Variants in AUTS2 observed in about 807,000 individuals in gnomAD.
The protein encoded by AUTS2 is autism susceptibility gene 2 protein.
In AUTS2, 17 loss-of-function variants were observed where a neutral mutation model predicts 112.4. That is an observed-to-expected ratio of 0.15 (90% CI 0.10 to 0.23). AUTS2 has a LOEUF of 0.23. Ranked by LOEUF, AUTS2 falls within the 10% of genes least tolerant of loss-of-function variation. The probability of loss-of-function intolerance (pLI) is 1.00; values close to 1 mark genes in which losing one functional copy is unlikely to be tolerated. For synonymous variants in AUTS2, 751 were observed against 702.7 expected, an observed-to-expected ratio of 1.07 and a Z score of -1.09; for missense variants, 1,510 against 1,701.6, an observed-to-expected ratio of 0.89 and a Z score of 1.98.
intron 5 of AUTS2, among the ~76,000 whole-genome samples, chr7:70,524,656 G>C (rs1245230273): frequency 6.6e-6 from 1 of 152,158 alleles, no homozygotes; most frequent in Non-Finnish European, 1.5e-5. Flanking sequence ...TGGCTTTCCA[G>C]GCAGCCTCAC....
At chr7:70,177,042 AC>A (rs1809026226) in intron 4 of AUTS2, among the ~76,000 whole-genome samples, 1 of 152,172 alleles carries the variant, frequency 6.6e-6, no homozygotes, top group African/African-American at 2.4e-5. Context: ...TTCCTAGACA[AC>A]TTCACAGGAG....
At chr7:70,771,675 C>CAT (rs754595697) in intron 11 of AUTS2, 31 bp downstream of exon 11, 2 of 1,597,196 alleles carry the variant, frequency 1.3e-6, no homozygotes, top group East Asian at 4.5e-5. Context: ...AACACACAGG[C>CAT]ATGTGTCTAA....
chr7:70,377,368 A>ATATATATATG (rs1793154779), intron 4 of AUTS2, among the ~76,000 whole-genome samples: 1 of 121,066 alleles, frequency 8.3e-6, no homozygotes, highest in Non-Finnish European at 1.7e-5. Flanking sequence ...ATATATATAT[A>ATATATATATG]TATATAGTGA....
chr7:70,267,442 A>T (rs974228676), intron 4 of AUTS2, among the ~76,000 whole-genome samples: 1 of 152,162 alleles, frequency 6.6e-6, no homozygotes, highest in African/African-American at 2.4e-5. Context: ...CAGGACAAGG[A>T]GATTATAGGA....
chr7:70,633,661 T>C (rs1044842047), intron 5 of AUTS2, among the ~76,000 whole-genome samples: 18 of 151,242 alleles, frequency 1.2e-4, no homozygotes, highest in Non-Finnish European at 2.7e-4. Context: ...TGATCCTTGA[T>C]TGGGCCGTAG....
chr7:70,665,756 A>G (rs972339559), intron 5 of AUTS2, among the ~76,000 whole-genome samples: 1 of 152,210 alleles, frequency 6.6e-6, no homozygotes, highest in Non-Finnish European at 1.5e-5. Context: ...TTCACAGGAT[A>G]CAAAAACCAC....
intron 5 of AUTS2, among the ~76,000 whole-genome samples, chr7:70,504,112 G>C (rs774516036): frequency 7.4e-5 from 11 of 147,666 alleles, no homozygotes; most frequent in Non-Finnish European, 1.5e-4. Flanking sequence ...TTTCTCATCT[G>C]TCGTCTTGCA....
chr7:69,600,267 G>A (rs1056323506), intron 1 of AUTS2, among the ~76,000 whole-genome samples: 5 of 151,910 alleles, frequency 3.3e-5, no homozygotes, highest in Non-Finnish European at 5.9e-5. Flanking sequence ...ACAACAATGC[G>A]CCCCCTCTCC....
intron 1 of AUTS2, among the ~76,000 whole-genome samples, chr7:69,709,902 C>A (rs1317813648): frequency 8.0e-5 from 1 of 12,470 alleles, no homozygotes; most frequent in Non-Finnish European, 1.7e-4. Flanking sequence ...AAACATGTCA[C>A]CCCCCCTTTT....
intron 4 of AUTS2, among the ~76,000 whole-genome samples, chr7:70,228,727 T>C (rs1811897531): frequency 1.3e-5 from 2 of 151,982 alleles, no homozygotes; most frequent in Non-Finnish European, 2.9e-5. Context: ...TGCTTCACTA[T>C]AGATCCATGT....
chr7:70,177,807 TC>T (rs1380375857), intron 4 of AUTS2, among the ~76,000 whole-genome samples: 1 of 96,056 alleles, frequency 1.0e-5, no homozygotes, highest in African/African-American at 4.5e-5. Flanking sequence ...ATCTGTCTGT[TC>T]TGCATTCTCA....
intron 5 of AUTS2, among the ~76,000 whole-genome samples, chr7:70,439,538 CAAAAAAA>C (rs71077657): frequency 0.24 from 17,524 of 73,186 alleles, 1,364 homozygotes; most frequent in Non-Finnish European, 0.28. Flanking sequence ...GACTCCATCT[CAAAAAAA>C]AAAAAAAAAA....
chr7:70,662,154 G>C (rs1181441876), intron 5 of AUTS2, among the ~76,000 whole-genome samples: 1 of 152,260 alleles, frequency 6.6e-6, no homozygotes, highest in African/African-American at 2.4e-5. Flanking sequence ...AGTTGGCCCC[G>C]AGTGGGAAGC....
intron 1 of AUTS2, among the ~76,000 whole-genome samples, chr7:69,827,435 G>T (rs1791299352): frequency 6.6e-6 from 1 of 151,790 alleles, no homozygotes; most frequent in African/African-American, 2.4e-5. Flanking sequence ...GATAGAGGGG[G>T]AAAAAGAAGA....
intron 5 of AUTS2, among the ~76,000 whole-genome samples, chr7:70,688,146 A>G (rs1808562177): frequency 6.6e-6 from 1 of 152,032 alleles, no homozygotes. Flanking sequence ...CATTCTCCCA[A>G]CCTTATCAGT....
intron 2 of AUTS2, among the ~76,000 whole-genome samples, chr7:70,003,208 G>T (rs1799288756): frequency 7.9e-6 from 1 of 127,106 alleles, no homozygotes; most frequent in Admixed American, 9.0e-5. Flanking sequence ...TATTATATAT[G>T]AATATATTAT....
In AUTS2 at chr7:69,665,919, T is replaced by C. The variant is rs368640203; in HGVS notation, c.309+65957T>C. On this transcript the variant is annotated intron_variant, in intron 1 of 18. Coordinates refer to ENST00000342771, the MANE Select transcript of AUTS2 (RefSeq NM_015570.4). ...GAAGTTAGGCCATTAGAAATGCGCATACCTGGACCATATTATTTAGGCTCT... is the reference window on the plus strand; with the variant it reads ...GAAGTTAGGCCATTAGAAATGCGCACACCTGGACCATATTATTTAGGCTCT... Among the ~76,000 whole-genome samples, 25 of 152,280 alleles carry C rather than the reference T, an allele frequency of 1.6e-4. 1 individual carries two copies. In the South Asian group the frequency reaches 3.5e-3, roughly 21 times the overall value.
At chr7:70,669,876 G>T (rs1807546827) in intron 5 of AUTS2, among the ~76,000 whole-genome samples, 1 of 152,202 alleles carries the variant, frequency 6.6e-6, no homozygotes, top group South Asian at 2.1e-4. Context: ...TCTCACACAG[G>T]TTAATAGGGA....
intron 4 of AUTS2, among the ~76,000 whole-genome samples, chr7:70,205,503 A>G (rs1451683859): frequency 6.6e-6 from 1 of 152,196 alleles, no homozygotes; most frequent in Non-Finnish European, 1.5e-5. Flanking sequence ...ACTTTTCTGT[A>G]TTTAGACACA....
Sources: allele counts gnomAD v4.1 joint callset (sites outside exome capture counted in the v4.1 genomes callset), GRCh38; gene constraint gnomAD v4.1.1; transcripts MANE v1.5; gene names NCBI Gene and HGNC (gene_info 2026-07-23, HGNC 2026-07-21).